ADGRL3: variants seen among roughly 807,000 people sequenced by gnomAD.
The protein encoded by ADGRL3 is adhesion G protein-coupled receptor L3, also known as calcium-independent alpha-latrotoxin receptor 3.
A neutral mutation model predicts 153.5 loss-of-function variants in ADGRL3; 62 were observed. The observed-to-expected ratio is 0.40, with a 90% CI of 0.33 to 0.50. The LOEUF is 0.50. Ranked by LOEUF, ADGRL3 falls within the 20% of genes least tolerant of loss-of-function variation. ADGRL3 has a pLI of 0.47. For synonymous variants in ADGRL3, 710 were observed against 672.5 expected (o/e 1.06, Z -0.86); for missense variants, 1,641 against 1,859.4 (o/e 0.88, Z 2.16).
At chr4:61,494,223 A>G (rs1016446963) in intron 2 of ADGRL3, among the ~76,000 whole-genome samples, 1 of 152,142 alleles carries the variant, frequency 6.6e-6, no homozygotes, top group Non-Finnish European at 1.5e-5. Context: ...ATGGCAGCTC[A>G]TAATTTCTTC....
chr4:61,933,029 C>T (rs1212779581), intron 13 of ADGRL3, among the ~76,000 whole-genome samples: 1 of 151,448 alleles, frequency 6.6e-6, no homozygotes, highest in Non-Finnish European at 1.5e-5. Context: ...AATATATTAT[C>T]CCCAATAAAA....
intron 6 of ADGRL3, among the ~76,000 whole-genome samples, chr4:61,685,371 C>G (rs555057967): frequency 7.4e-4 from 112 of 152,064 alleles, no homozygotes; most frequent in Non-Finnish European, 9.7e-4. Context: ...ATAATGAACA[C>G]ATGAACCAAT....
chr4:61,819,453 C>T (rs1343226117), intron 9 of ADGRL3, among the ~76,000 whole-genome samples: 2 of 152,052 alleles, frequency 1.3e-5, no homozygotes, highest in Non-Finnish European at 2.9e-5. Flanking sequence ...TTTCCCCTTA[C>T]TCCATTCACC....
At chr4:61,268,277 G>T (rs2092968944) in intron 1 of ADGRL3, among the ~76,000 whole-genome samples, 1 of 151,538 alleles carries the variant, frequency 6.6e-6, no homozygotes, top group East Asian at 1.9e-4. Context: ...TCCAATTTTT[G>T]GTGCAAAAGT....
chr4:61,760,952 G>T (rs373347821), intron 8 of ADGRL3, among the ~76,000 whole-genome samples: 17 of 152,188 alleles, frequency 1.1e-4, no homozygotes, highest in East Asian at 5.8e-4. Flanking sequence ...ACGACTTGGT[G>T]GGGGGAAGCC....
intron 8 of ADGRL3, among the ~76,000 whole-genome samples, chr4:61,759,441 C>G (rs541250635): frequency 6.6e-6 from 1 of 152,294 alleles, no homozygotes; most frequent in South Asian, 2.1e-4. Context: ...ATCACTGATA[C>G]GCTTTCTTCC....
intron 1 of ADGRL3, chr4:61,212,172 C>G (rs1740352166): frequency 2.0e-5 from 3 of 151,878 alleles, no homozygotes; most frequent in South Asian, 4.2e-4. Context: ...CCAGAAGAAA[C>G]TGAAGAAAAA....
At chr4:61,595,784 G>A (rs1017262910) in intron 5 of ADGRL3, among the ~76,000 whole-genome samples, 1 of 152,120 alleles carries the variant, frequency 6.6e-6, no homozygotes. Flanking sequence ...GGACCCCAGA[G>A]CACTTTGGCC....
intron 5 of ADGRL3, among the ~76,000 whole-genome samples, chr4:61,634,124 G>A (rs541611212): frequency 6.6e-6 from 1 of 152,008 alleles, no homozygotes; most frequent in African/African-American, 2.4e-5. Flanking sequence ...TCTATTTTAC[G>A]TACAATCCTA....
chr4:61,494,775 T>A (rs2098295484), intron 2 of ADGRL3, among the ~76,000 whole-genome samples: 1 of 152,130 alleles, frequency 6.6e-6, no homozygotes, highest in Non-Finnish European at 1.5e-5. Flanking sequence ...TCAATGAAAT[T>A]AAAGAGAAAA....
intron 8 of ADGRL3, among the ~76,000 whole-genome samples, chr4:61,763,354 T>A (rs77829574): frequency 7.2e-6 from 1 of 138,826 alleles, no homozygotes; most frequent in Admixed American, 7.1e-5. Flanking sequence ...TGTCCAGCTA[T>A]TTTTTTTTTT....
rs551306637 is a variant in ADGRL3 at position 61,306,243 on chromosome 4, A to G, written c.-239-76881A>G. Among the ~76,000 whole-genome samples, 179 of 151,784 alleles carry G rather than the reference A, an allele frequency of 1.2e-3. 2 individuals are homozygous for G. Among genetic ancestry groups the G allele is most frequent in the African/African-American group, 4.1e-3 (168 of 41,372 alleles). ...CTCCCAGGTAGCTGGGACTACAGGT[A>G]CCCGCCACCACGCCCGGCTAATTTT... is the stretch of plus-strand genomic sequence containing the variant. On this transcript the variant is annotated intron_variant, in intron 1 of 26. Transcript: ENST00000683033.
At chr4:61,747,854 T>C (rs1445054360) in intron 8 of ADGRL3, among the ~76,000 whole-genome samples, 2 of 151,814 alleles carry the variant, frequency 1.3e-5, no homozygotes, top group African/African-American at 2.4e-5. Flanking sequence ...GAAGTTCTGG[T>C]CAGGGCAATC....
intron 4 of ADGRL3, among the ~76,000 whole-genome samples, chr4:61,549,967 G>A (rs1309260746): frequency 1.3e-5 from 2 of 151,770 alleles, no homozygotes; most frequent in Non-Finnish European, 2.9e-5. Context: ...AATCTTAGAA[G>A]TATACATTTA....
At chr4:61,462,007 A>C (rs2097825689) in intron 2 of ADGRL3, among the ~76,000 whole-genome samples, 2 of 152,206 alleles carry the variant, frequency 1.3e-5, no homozygotes. Context: ...ACTGTACAAG[A>C]GGTAAAATAA....
At chr4:61,456,086 G>A (rs1238422934) in intron 2 of ADGRL3, among the ~76,000 whole-genome samples, 1 of 151,870 alleles carries the variant, frequency 6.6e-6, no homozygotes, top group African/African-American at 2.4e-5. Flanking sequence ...AAAGTGGCAT[G>A]AGCCAATATG....
At chr4:61,201,974 C>T (rs1281256870) in intron 1 of ADGRL3, among the ~76,000 whole-genome samples, 1 of 151,934 alleles carries the variant, frequency 6.6e-6, no homozygotes, top group Non-Finnish European at 1.5e-5. Context: ...TCGGGTCTGG[C>T]GCGGGTTGGA....
At chr4:61,252,071 A>G (rs779920269) in intron 1 of ADGRL3, among the ~76,000 whole-genome samples, 30 of 151,808 alleles carry the variant, frequency 2.0e-4, no homozygotes, top group Non-Finnish European at 4.0e-4. Flanking sequence ...TTTAGTAGAG[A>G]AAGGTTTTGC....
chr4:61,709,806 A>G (rs1025220399), intron 6 of ADGRL3, among the ~76,000 whole-genome samples: 4 of 152,192 alleles, frequency 2.6e-5, no homozygotes, highest in Non-Finnish European at 5.9e-5. Context: ...ATTAATGATT[A>G]CAATCAAATC....
Sources: gnomAD v4.1 joint callset for allele counts (sites outside exome capture counted in the v4.1 genomes callset) on GRCh38, gnomAD v4.1.1 for gene constraint, MANE v1.5 for transcripts, NCBI Gene and HGNC (gene_info 2026-07-23, HGNC 2026-07-21) for gene names.